The following MTPAP variants were observed in gnomAD, a reference collection of about 807,000 sequenced individuals.
MTPAP encodes mitochondrial poly(A) polymerase.
MTPAP carries 23 observed loss-of-function variants against 48.7 expected under a neutral mutation model. The observed-to-expected ratio is 0.47, with a 90% CI of 0.34 to 0.67. MTPAP has a LOEUF of 0.67. Among genes scored for constraint, MTPAP ranks in the 30% least tolerant of loss-of-function variants. The pLI is 0.01. For missense variants in MTPAP, 614 were observed against 694.3 expected, an observed-to-expected ratio of 0.88 and a Z score of 1.30; for synonymous variants, 257 against 254.1, an observed-to-expected ratio of 1.01 and a Z score of -0.11.
intron 4 of MTPAP, 47 bp from the exon 5 acceptor site, chr10:30,326,682 CA>C: frequency 4.2e-6 from 6 of 1,437,794 alleles, no homozygotes; most frequent in Non-Finnish European, 5.9e-6. Context: ...GTAAAAAAAA[CA>C]ATTTTTTAAT....
intron 5 of MTPAP, among the ~76,000 whole-genome samples, chr10:30,324,930 G>C (rs879851677): frequency 1.1e-4 from 16 of 151,732 alleles, no homozygotes; most frequent in Non-Finnish European, 2.2e-4. Context: ...AGGTTGCATT[G>C]CAGTGAGCCA....
In MTPAP at chr10:30,322,584, T is replaced by C. The variant is rs1329873424; in HGVS notation, c.1026A>G (p.Ile342Met). ...TCACTCTTGAGTCTAGGGCACCATA[T>C]ATATAAAGGAGTTCGGAACTTGTCA... Reference protein sequence around the residue: ...IALTSSELLYIYGALDSRVRA... With the variant: ...IALTSSELLYMYGALDSRVRA... Residue 342 changes from isoleucine to methionine, a missense_variant, in exon 6 of 9, where the codon ATA becomes ATG. Around this residue, in one of 5 missense-constraint regions of MTPAP, gnomAD observed 261 missense variants for 355.4 expected, o/e 0.73. Transcript: ENST00000263063. The C allele has an allele frequency of 6.2e-7, 1 of 1,613,714 alleles. No homozygotes were observed.
intron 4 of MTPAP, among the ~76,000 whole-genome samples, chr10:30,332,908 T>C (rs1180901638): frequency 6.6e-6 from 1 of 151,722 alleles, no homozygotes; most frequent in African/African-American, 2.4e-5. Flanking sequence ...GATCACGAGG[T>C]CAGGAGATCG....
intron 1 of MTPAP, among the ~76,000 whole-genome samples, chr10:30,343,725 G>A (rs185738944): frequency 5.9e-5 from 9 of 152,074 alleles, no homozygotes; most frequent in East Asian, 1.9e-4. Flanking sequence ...GCGCCACCAC[G>A]CCCAGCTAAT....
At chr10:30,329,394 A>T (rs1232909120) in intron 4 of MTPAP, among the ~76,000 whole-genome samples, 2 of 151,922 alleles carry the variant, frequency 1.3e-5, no homozygotes, top group Non-Finnish European at 2.9e-5. Flanking sequence ...CACCTTGCTA[A>T]TTTTTTTATT....
In MTPAP at chr10:30,313,643, G is replaced by A. The variant is rs1286515486; in HGVS notation, c.1715C>T (p.Thr572Ile). The stretch of plus-strand genomic sequence containing the variant: ...AGTACTAATTGTTCTCTTCCCACTG[G>A]TTTTTGTGAAATTTTCTGTTCTGTT... ...KGNRTENFTK[T>I]SGKRTISTQT Residue 572 changes from threonine (T) to isoleucine (I), a missense_variant, in exon 9 of 9, where the codon ACC becomes ATC. Transcript: ENST00000263063. The A allele has an allele frequency of 1.1e-5, 18 of 1,614,128 alleles. No individual in the cohort carries two copies. In the East Asian group the frequency reaches 4.0e-4, roughly 36 times the overall value.
intron 5 of MTPAP, among the ~76,000 whole-genome samples, chr10:30,324,922 G>A (rs1206102919): frequency 2.0e-5 from 3 of 151,684 alleles, no homozygotes; most frequent in African/African-American, 7.3e-5. Context: ...GGAGGCGGAG[G>A]TTGCATTGCA....
At chr10:30,336,013 A>G (rs1331195123) in intron 4 of MTPAP, among the ~76,000 whole-genome samples, 1 of 152,204 alleles carries the variant, frequency 6.6e-6, no homozygotes, top group Admixed American at 6.5e-5. Flanking sequence ...CAGCCTCAAA[A>G]AAAATAAATA....
Position 30,341,647 on chromosome 10 carries a change from A to G in MTPAP, c.158-7T>C. ...GGAATCTTGTCTTCAAAGCCTATGA[A>G]CGAGACAAAAACATTTCCACCACAC... On this transcript the variant is annotated splice_region_variant and splice_polypyrimidine_tract_variant and intron_variant, in intron 1 of 8. Transcript: ENST00000263063. The G allele has an allele frequency of 1.2e-6, 2 of 1,613,790 alleles. No homozygotes were observed. The highest frequency in any genetic ancestry group is 1.3e-5 in the African/African-American group (1 of 75,062).
intron 3 of MTPAP, among the ~76,000 whole-genome samples, chr10:30,337,708 G>T (rs1370605706): frequency 1.3e-5 from 2 of 152,224 alleles, no homozygotes; most frequent in Non-Finnish European, 2.9e-5. Flanking sequence ...GAAAATGAAA[G>T]TAGTAAAGTA....
chr10:30,344,829 C>T lies in MTPAP; in HGVS notation c.158-3189G>A, dbSNP rs1231271605. Among the ~76,000 whole-genome samples, 13 of 152,138 alleles carry T rather than the reference C, an allele frequency of 8.5e-5. 1 individual carries two copies. Among genetic ancestry groups the T allele is most frequent in the Admixed American group, 6.5e-4 (10 of 15,270 alleles). ...AAGCAATTCTCCTGCCTCAGCCTCCCGAGTGGCTGGGATTACAGGACCTGC... is the reference window on the plus strand; with the variant it reads ...AAGCAATTCTCCTGCCTCAGCCTCCTGAGTGGCTGGGATTACAGGACCTGC... On this transcript the variant is annotated intron_variant, in intron 1 of 8. Coordinates refer to ENST00000263063, the MANE Select transcript of MTPAP (RefSeq NM_018109.4).
At chr10:30,334,911 T>C (rs60970262) in intron 4 of MTPAP, among the ~76,000 whole-genome samples, 3,469 of 152,220 alleles carry the variant, frequency 0.023, 125 homozygotes, top group African/African-American at 0.072. Context: ...ATAATCTAAG[T>C]GAGAGTTTAT....
intron 4 of MTPAP, among the ~76,000 whole-genome samples, chr10:30,327,023 G>A (rs747039002): frequency 7.9e-5 from 12 of 152,112 alleles, no homozygotes; most frequent in Non-Finnish European, 1.6e-4. Flanking sequence ...ACCCACAGTA[G>A]TATGGAAGTA....
At chr10:30,328,545 T>G (rs1834626337) in intron 4 of MTPAP, among the ~76,000 whole-genome samples, 1 of 152,234 alleles carries the variant, frequency 6.6e-6, no homozygotes, top group Non-Finnish European at 1.5e-5. Context: ...TCTAGTTTAA[T>G]AAGGTTCCCT....
In MTPAP at chr10:30,313,697, A is replaced by T. The variant is rs1840627227; in HGVS notation, c.1661T>A (p.Val554Asp). The change falls in exon 9 of 9, where the codon GTC becomes GAC. Residue 554 changes from valine (V) to aspartate (D), a missense_variant. Transcript: ENST00000263063. Reference protein sequence around the residue: ...KKSNKFAIETVKNLLESLKGN... With the variant: ...KKSNKFAIETDKNLLESLKGN... ...TTTTAAAGATTCTAGCAAGTTTTTG[A>T]CTGTTTCAATTGCAAACTTATTGCT... 1 of 1,613,984 alleles carries T rather than the reference A, an allele frequency of 6.2e-7. No individual in the cohort carries two copies. Among genetic ancestry groups the T allele is most frequent in the African/African-American group, 1.3e-5 (1 of 74,914 alleles).
intron 4 of MTPAP, among the ~76,000 whole-genome samples, chr10:30,327,540 AAATT>A (rs1247781787): frequency 3.1e-4 from 39 of 127,262 alleles, no homozygotes; most frequent in African/African-American, 8.5e-4. Flanking sequence ...ATAAATAAAT[AAATT>A]ACTAAAACTC....
In MTPAP at chr10:30,313,820, T is replaced by A. The variant is rs200865094; in HGVS notation, c.1538A>T (p.Asp513Val). 31 of 1,614,214 alleles carry A rather than the reference T, an allele frequency of 1.9e-5. No homozygotes were observed. In the East Asian group the frequency reaches 6.2e-4, roughly 32 times the overall value. The change falls in exon 9 of 9, where the codon GAT becomes GTT. Residue 513 changes from aspartate (D) to valine (V), a missense_variant. Around this residue, in one of 5 missense-constraint regions of MTPAP, gnomAD observed 109 missense variants for 100.5 expected, o/e 1.08. Transcript: ENST00000263063. Reference sequence around the variant, plus strand: ...ACTTGATATGGAAGGTCGATCTGTATCTTCCTGTTGTAAAATCCAGGCACT... The same window carrying A: ...ACTTGATATGGAAGGTCGATCTGTAACTTCCTGTTGTAAAATCCAGGCACT... ...RESAWILQQEDTDRPSISSNR... is the reference protein window; with the variant it reads ...RESAWILQQEVTDRPSISSNR...
intron 1 of MTPAP, among the ~76,000 whole-genome samples, chr10:30,344,906 G>A (rs1346365032): frequency 1.3e-5 from 2 of 152,094 alleles, no homozygotes; most frequent in African/African-American, 4.8e-5. Flanking sequence ...GTTTCACCAT[G>A]TTGGTCCGGC....
chr10:30,326,591 AG>A lies in MTPAP; in HGVS notation c.824del (p.Pro275LeufsTer14). ...FLMEFQVKNV[P>X]SERIATQKIL... ...TCTTCTGAGTTGCAATTCTTTCTGA[AG>A]GAACATTTTTCACTTGAAATTCCAT... On this transcript the variant is annotated frameshift_variant, in exon 5 of 9. Transcript: ENST00000263063. LOFTEE classifies it high-confidence loss of function. The A allele has an allele frequency of 6.2e-7, 1 of 1,614,152 alleles. No homozygotes were observed. The highest frequency in any genetic ancestry group is 1.7e-5 in the Admixed American group (1 of 60,014).
Sources: gnomAD v4.1 joint callset for allele counts (sites outside exome capture counted in the v4.1 genomes callset) on GRCh38, gnomAD v4.1.1 for gene constraint, gnomAD v4.1.1 regional missense constraint, MANE v1.5 for transcripts, NCBI Gene and HGNC (gene_info 2026-07-23, HGNC 2026-07-21) for gene names.